The following KLHL4 variants were observed in gnomAD, a reference collection of about 807,000 sequenced individuals.
KLHL4 encodes kelch-like protein 4.
Under a neutral mutation model 45.8 loss-of-function variants are expected in KLHL4, and 17 were observed. The ratio of observed to expected loss-of-function variants is 0.37; its 90% CI spans 0.25 to 0.56. KLHL4 has a LOEUF of 0.56. Ranked by LOEUF, KLHL4 falls within the 20% of genes least tolerant of loss-of-function variation. The pLI, the probability that KLHL4 is intolerant of heterozygous loss-of-function variation, is 0.79. For synonymous variants in KLHL4, 224 were observed against 189.9 expected, an observed-to-expected ratio of 1.18 and a Z score of -1.47; for missense variants, 544 against 544.9, an observed-to-expected ratio of 1.00 and a Z score of 0.02.
intron 1 of KLHL4, among the ~76,000 whole-genome samples, chrX:87,530,926 G>A (rs1195997297): frequency 9.0e-6 from 1 of 110,620 alleles, no homozygotes; most frequent in Non-Finnish European, 1.9e-5. Context: ...ATCCTCTCCA[G>A]CACCTGTTGT....
chrX:87,570,007 A>AT (rs1325081294), intron 1 of KLHL4, among the ~76,000 whole-genome samples: 3 of 111,560 alleles, frequency 2.7e-5, no homozygotes, highest in East Asian at 2.8e-4. Context: ...CACAATAACA[A>AT]TTTTTTTAAT....
intron 1 of KLHL4, among the ~76,000 whole-genome samples, chrX:87,575,486 G>A (rs973854264): frequency 2.7e-5 from 3 of 111,832 alleles, no homozygotes; most frequent in Non-Finnish European, 5.6e-5. Context: ...GTTGGGGACT[G>A]CTGGTATAGG....
At chrX:87,545,601 G>T (rs1456755246) in intron 1 of KLHL4, among the ~76,000 whole-genome samples, 1 of 111,800 alleles carries the variant, frequency 8.9e-6, no homozygotes, top group East Asian at 2.8e-4. Flanking sequence ...CCTTGTAGCA[G>T]TGTAAAAATG....
intron 1 of KLHL4, among the ~76,000 whole-genome samples, chrX:87,531,052 G>C (rs1213957293): frequency 1.8e-5 from 2 of 111,953 alleles, no homozygotes; most frequent in African/African-American, 6.5e-5. Context: ...GTGTCCTTTG[G>C]CTGCATAAAT....
chrX:87,626,651 TA>T lies in KLHL4; in HGVS notation c.1324+869del, dbSNP rs141379060. 6.8e-3 allele frequency among the ~76,000 whole-genome samples: 684 copies of T among 100,413 alleles called. 4 individuals carry two copies. Among genetic ancestry groups the T allele is most frequent in the African/African-American group, 0.019 (542 of 28,131 alleles). 87.2% of individuals were successfully genotyped at this position (100,413 alleles called of 115,157 possible). Reference sequence around the variant, plus strand: ...AAATTGTGAGGGATGTATGTAGCTTTAAAAAAAAAAAAAACTCAGTATTTAT... The same window carrying T: ...AAATTGTGAGGGATGTATGTAGCTTTAAAAAAAAAAAAACTCAGTATTTAT... On this transcript the variant is annotated intron_variant, in intron 6 of 10. Coordinates refer to ENST00000373119, the MANE Select transcript of KLHL4 (RefSeq NM_019117.5).
chrX:87,617,205 G>T (rs2147815451), intron 3 of KLHL4, among the ~76,000 whole-genome samples: 1 of 95,033 alleles, frequency 1.1e-5, no homozygotes, highest in African/African-American at 4.0e-5. Flanking sequence ...TTTTCAAAAA[G>T]AGACTGTTTT....
intron 5 of KLHL4, 32 bp downstream of exon 5, chrX:87,622,455 T>C: frequency 1.0e-6 from 1 of 1,004,537 alleles, no homozygotes; most frequent in South Asian, 2.3e-5. Flanking sequence ...ATTTAAAATA[T>C]AGTTCTGAAC....
At chrX:87,579,143 A>AG (rs1260228183) in intron 1 of KLHL4, among the ~76,000 whole-genome samples, 1 of 110,975 alleles carries the variant, frequency 9.0e-6, no homozygotes, top group Non-Finnish European at 1.9e-5. Context: ...AAGAAGGGAG[A>AG]GGAGTGGAGC....
chrX:87,601,824 T>A (rs1922027177), intron 1 of KLHL4, among the ~76,000 whole-genome samples: 1 of 111,228 alleles, frequency 9.0e-6, no homozygotes, highest in Non-Finnish European at 1.9e-5. Context: ...ATGGGAGAAT[T>A]GTAGGCTTTT....
At chrX:87,553,629 C>G (rs1383328741) in intron 1 of KLHL4, among the ~76,000 whole-genome samples, 1 of 100,938 alleles carries the variant, frequency 9.9e-6, no homozygotes, top group East Asian at 3.3e-4. Context: ...AATGGATACA[C>G]AGACACATAC....
intron 1 of KLHL4, among the ~76,000 whole-genome samples, chrX:87,550,399 G>A (rs1381301466): frequency 1.8e-5 from 2 of 111,021 alleles, no homozygotes; most frequent in Non-Finnish European, 3.8e-5. Flanking sequence ...AGGACCAGAT[G>A]GATTCACAGC....
rs146964151 is a variant in KLHL4 at position 87,574,173 on chromosome X, G to A, written c.423-39704G>A. On this transcript the variant is annotated intron_variant, in intron 1 of 10. Transcript: ENST00000373119. ...AAATGTAAAATATATTAAAACAAGT[G>A]TTGAGCTATAATCCTTGAAATGGAA... 3.6e-3 allele frequency among the ~76,000 whole-genome samples: 400 copies of A among 111,589 alleles called. 6 individuals are homozygous for A. The South Asian group carries it at 0.049, about 14-fold the overall frequency.
At chrX:87,529,891 A>C (rs1931209668) in intron 1 of KLHL4, among the ~76,000 whole-genome samples, 1 of 112,048 alleles carries the variant, frequency 8.9e-6, no homozygotes, top group Admixed American at 9.5e-5. Flanking sequence ...TAAATGCCTT[A>C]ATCCAGAGGC....
chrX:87,530,828 T>A (rs1253364963), intron 1 of KLHL4, among the ~76,000 whole-genome samples: 3 of 107,023 alleles, frequency 2.8e-5, no homozygotes, highest in Non-Finnish European at 5.8e-5. Context: ...CAGTTCTAGA[T>A]CCCTGAGGAA....
intron 1 of KLHL4, among the ~76,000 whole-genome samples, chrX:87,554,504 AT>A (rs1931919554): frequency 4.4e-5 from 4 of 91,323 alleles, no homozygotes; most frequent in African/African-American, 8.2e-5. Flanking sequence ...TTCACTCATG[AT>A]TTGGCTCTCT....
intron 1 of KLHL4, among the ~76,000 whole-genome samples, chrX:87,565,654 A>G (rs1321100574): frequency 1.2e-5 from 1 of 82,087 alleles, no homozygotes; most frequent in African/African-American, 4.7e-5. Context: ...TGAACCCTGG[A>G]GGTGGAGGTT....
intron 1 of KLHL4, among the ~76,000 whole-genome samples, chrX:87,572,565 A>G (rs1286547579): frequency 2.7e-5 from 3 of 110,946 alleles, no homozygotes; most frequent in Non-Finnish European, 3.8e-5. Context: ...AGCTGAAAAT[A>G]TTAAAACATA....
intron 1 of KLHL4, among the ~76,000 whole-genome samples, chrX:87,595,898 C>A (rs962977431): frequency 1.8e-5 from 2 of 111,508 alleles, no homozygotes; most frequent in Non-Finnish European, 3.8e-5. Flanking sequence ...ACCCAAATTT[C>A]ATGTTCAAAT....
At chrX:87,646,032 T>A (rs1473449817) in intron 9 of KLHL4, among the ~76,000 whole-genome samples, 2 of 111,121 alleles carry the variant, frequency 1.8e-5, no homozygotes, top group African/African-American at 6.6e-5. Context: ...ATACCACTTG[T>A]ACTCCAATAA....
Sources: allele counts gnomAD v4.1 joint callset (sites outside exome capture counted in the v4.1 genomes callset), GRCh38; gene constraint gnomAD v4.1.1; transcripts MANE v1.5; gene names NCBI Gene and HGNC (gene_info 2026-07-23, HGNC 2026-07-21).